The following SOX5 variants were observed in gnomAD, a reference collection of about 807,000 sequenced individuals.
SOX5 encodes the protein transcription factor SOX-5.
In SOX5, 9 loss-of-function variants were observed where a neutral mutation model predicts 92.0. The ratio of observed to expected loss-of-function variants is 0.10; its 90% confidence interval spans 0.06 to 0.17. The LOEUF (loss-of-function observed/expected upper bound fraction) is 0.17, where lower values mean the gene tolerates loss of function less well. Among genes scored for constraint, SOX5 ranks in the 10% least tolerant of loss-of-function variants. The probability of loss-of-function intolerance (pLI) is 1.00; values close to 1 mark genes in which losing one functional copy is unlikely to be tolerated. For synonymous variants in SOX5, 344 were observed against 336.3 expected (o/e 1.02, Z -0.25); for missense variants, 642 against 944.5 (o/e 0.68, Z 4.20).
intron 7 of SOX5, among the ~76,000 whole-genome samples, chr12:23,660,456 G>GATCA (rs2082885782): frequency 6.6e-6 from 1 of 152,058 alleles, no homozygotes; most frequent in South Asian, 2.1e-4. Flanking sequence ...CCCAAGTCCA[G>GATCA]GCTCTCTCCT....
At chr12:24,383,045 C>T (rs1026767392) in intron 1 of SOX5, among the ~76,000 whole-genome samples, 1 of 152,128 alleles carries the variant, frequency 6.6e-6, no homozygotes, top group African/African-American at 2.4e-5. Context: ...CTGACCACTA[C>T]AAGTGGCAGG....
chr12:24,068,706 A>ATG (rs1569531938), intron 4 of SOX5, among the ~76,000 whole-genome samples: 1 of 48,026 alleles, frequency 2.1e-5, no homozygotes, highest in Admixed American at 2.7e-4. Context: ...GTGTGTGTGT[A>ATG]TATATATATA....
intron 6 of SOX5, among the ~76,000 whole-genome samples, chr12:23,671,475 CA>C (rs1041039977): frequency 3.9e-5 from 6 of 151,992 alleles, no homozygotes; most frequent in African/African-American, 1.2e-4. Context: ...ATAAAATATC[CA>C]AATGAGATTA....
At chr12:23,820,316 G>A (rs2096082093) in intron 3 of SOX5, among the ~76,000 whole-genome samples, 1 of 152,140 alleles carries the variant, frequency 6.6e-6, no homozygotes, top group Non-Finnish European at 1.5e-5. Context: ...GTAGATTCTG[G>A]ATATTAGCCC....
intron 1 of SOX5, among the ~76,000 whole-genome samples, chr12:24,542,687 G>A (rs1274372868): frequency 6.6e-6 from 1 of 152,128 alleles, no homozygotes; most frequent in Non-Finnish European, 1.5e-5. Context: ...GACATAATTA[G>A]GGAAATATAA....
chr12:24,547,515 A>G (rs1952762043), intron 1 of SOX5, among the ~76,000 whole-genome samples: 1 of 152,234 alleles, frequency 6.6e-6, no homozygotes, highest in Admixed American at 6.5e-5. Flanking sequence ...TTAAACAAGG[A>G]AAACAAGGAA....
chr12:23,964,736 G>T (rs748346150), intron 4 of SOX5, among the ~76,000 whole-genome samples: 3 of 152,110 alleles, frequency 2.0e-5, no homozygotes, highest in Non-Finnish European at 4.4e-5. Flanking sequence ...GAGCAGTAAT[G>T]ACTTTATTAG....
intron 3 of SOX5, among the ~76,000 whole-genome samples, chr12:24,223,590 C>G (rs1281148436): frequency 6.6e-6 from 1 of 151,986 alleles, no homozygotes; most frequent in Non-Finnish European, 1.5e-5. Flanking sequence ...CATCTTTATA[C>G]TGAAAAATTT....
intron 4 of SOX5, among the ~76,000 whole-genome samples, chr12:24,068,953 A>G (rs1389778447): frequency 1.3e-5 from 2 of 151,142 alleles, no homozygotes; most frequent in Admixed American, 6.6e-5. Context: ...TAGTCCAAGG[A>G]GTTAGCATAG....
chr12:23,776,608 G>A lies in SOX5; in HGVS notation c.482-20884C>T, dbSNP rs111764965. Among the ~76,000 whole-genome samples, 1,075 of 152,212 alleles carry A rather than the reference G, an allele frequency of 7.1e-3. 16 individuals are homozygous for A. The highest frequency in any genetic ancestry group is 0.025 in the African/African-American group (1,022 of 41,536). On this transcript the variant is annotated intron_variant, in intron 3 of 14. Transcript: ENST00000451604. ...CTTTTTAGCACCACGGACCAGTCTC[G>A]TGGAAGACATTTTTTTTTAACAGGG...
intron 4 of SOX5, among the ~76,000 whole-genome samples, chr12:24,177,695 A>C (rs540740708): frequency 6.6e-6 from 1 of 152,306 alleles, no homozygotes; most frequent in African/African-American, 2.4e-5. Flanking sequence ...TTGAGAGCTA[A>C]ACAATAGGTC....
At chr12:24,297,429 C>T (rs1184177949) in intron 2 of SOX5, among the ~76,000 whole-genome samples, 1 of 152,174 alleles carries the variant, frequency 6.6e-6, no homozygotes, top group African/African-American at 2.4e-5. Flanking sequence ...AGCCCAATAC[C>T]GCAGCGTGGG....
At chr12:23,892,618 G>A (rs1008920066) in intron 2 of SOX5, among the ~76,000 whole-genome samples, 1 of 152,136 alleles carries the variant, frequency 6.6e-6, no homozygotes, top group African/African-American at 2.4e-5. Context: ...AGATCATATA[G>A]GTAACTCTTC....
intron 4 of SOX5, among the ~76,000 whole-genome samples, chr12:23,747,192 T>C (rs1041968890): frequency 4.6e-5 from 7 of 152,154 alleles, no homozygotes; most frequent in African/African-American, 1.7e-4. Flanking sequence ...TCATTGGAAA[T>C]TGATCAACCC....
chr12:23,556,852 T>C (rs1945264953), intron 11 of SOX5, among the ~76,000 whole-genome samples: 1 of 152,182 alleles, frequency 6.6e-6, no homozygotes, highest in Non-Finnish European at 1.5e-5. Flanking sequence ...TAGATAATGC[T>C]GAACTACATA....
chr12:24,292,393 C>A (rs1460984304), intron 2 of SOX5, among the ~76,000 whole-genome samples: 1 of 152,076 alleles, frequency 6.6e-6, no homozygotes, highest in Admixed American at 6.6e-5. Context: ...TTTTGAAATG[C>A]TTTTCAATAT....
At chr12:24,321,552 T>A (rs1477032632) in intron 2 of SOX5, among the ~76,000 whole-genome samples, 2 of 152,278 alleles carry the variant, frequency 1.3e-5, no homozygotes, top group African/African-American at 4.8e-5. Flanking sequence ...TTTTAAAAAG[T>A]TCAAGCCCAT....
intron 1 of SOX5, among the ~76,000 whole-genome samples, chr12:24,441,718 A>G (rs767704124): frequency 2.0e-5 from 3 of 152,240 alleles, no homozygotes; most frequent in Non-Finnish European, 4.4e-5. Flanking sequence ...GGGAAAAAGA[A>G]ATAATTAAGT....
chr12:23,984,578 T>C (rs141111288), intron 4 of SOX5, among the ~76,000 whole-genome samples: 92 of 152,262 alleles, frequency 6.0e-4, no homozygotes, highest in African/African-American at 2.2e-3. Flanking sequence ...TTGAATATAG[T>C]GAAGTAGTGA....
Sources: gnomAD v4.1 joint callset for allele counts (sites outside exome capture counted in the v4.1 genomes callset) on GRCh38, gnomAD v4.1.1 for gene constraint, MANE v1.5 for transcripts, NCBI Gene and HGNC (gene_info 2026-07-23, HGNC 2026-07-21) for gene names.